Variants in ZNF704 observed in about 807,000 individuals in gnomAD.
The protein encoded by ZNF704 is glucocorticoid induced gene 1.
In ZNF704, 10 loss-of-function variants were observed where a neutral mutation model predicts 44.7. That is an observed-to-expected ratio of 0.22 (90% CI 0.14 to 0.38). The LOEUF is 0.38. Ranked by LOEUF, ZNF704 falls within the 10% of genes least tolerant of loss-of-function variation. The pLI is 1.00. For missense variants in ZNF704, 390 were observed against 545.5 expected, an observed-to-expected ratio of 0.71 and a Z score of 2.84; for synonymous variants, 211 against 207.6, an observed-to-expected ratio of 1.02 and a Z score of -0.14.
intron 3 of ZNF704, among the ~76,000 whole-genome samples, chr8:80,692,687 T>G (rs1268712152): frequency 6.6e-6 from 1 of 152,214 alleles, no homozygotes; most frequent in Admixed American, 6.5e-5. Context: ...AATAATTCAT[T>G]AGCTCAATCT....
chr8:80,755,707 A>G (rs751275385), intron 2 of ZNF704, among the ~76,000 whole-genome samples: 6 of 152,156 alleles, frequency 3.9e-5, no homozygotes, highest in Non-Finnish European at 7.4e-5. Flanking sequence ...GCTTCACATG[A>G]CTGGGCTTTA....
intron 7 of ZNF704, among the ~76,000 whole-genome samples, chr8:80,655,871 T>G (rs1035984085): frequency 3.3e-5 from 5 of 152,204 alleles, no homozygotes; most frequent in African/African-American, 4.8e-5. Flanking sequence ...CACTGCTATT[T>G]CAGCTTTGGA....
intron 2 of ZNF704, among the ~76,000 whole-genome samples, chr8:80,714,314 G>A (rs1419390445): frequency 6.6e-6 from 1 of 152,196 alleles, no homozygotes; most frequent in African/African-American, 2.4e-5. Context: ...ACAAATATTT[G>A]TTGAACGAAA....
intron 5 of ZNF704, among the ~76,000 whole-genome samples, chr8:80,666,058 C>T (rs1818187891): frequency 6.6e-6 from 1 of 151,874 alleles, no homozygotes; most frequent in African/African-American, 2.4e-5. Flanking sequence ...TGGTGCGCTG[C>T]ACCCACTAAC....
chr8:80,770,917 G>C (rs530366935), intron 2 of ZNF704, among the ~76,000 whole-genome samples: 29 of 152,140 alleles, frequency 1.9e-4, no homozygotes, highest in African/African-American at 7.0e-4. Flanking sequence ...TTTTGTTGTT[G>C]TTTGTTTGTT....
At chr8:80,759,889 G>C (rs1024583696) in intron 2 of ZNF704, among the ~76,000 whole-genome samples, 7 of 152,060 alleles carry the variant, frequency 4.6e-5, no homozygotes, top group Admixed American at 1.3e-4. Context: ...CCAAGTAGCT[G>C]ACCACAGATG....
chr8:80,848,088 T>C (rs1808795923), intron 1 of ZNF704, among the ~76,000 whole-genome samples: 1 of 152,202 alleles, frequency 6.6e-6, no homozygotes, highest in African/African-American at 2.4e-5. Context: ...GAGGTACTGA[T>C]AGCTGGATGA....
chr8:80,800,247 C>G (rs558762436), intron 2 of ZNF704, among the ~76,000 whole-genome samples: 1 of 152,286 alleles, frequency 6.6e-6, no homozygotes, highest in East Asian at 1.9e-4. Context: ...AAACATACTT[C>G]AGGATATCAT....
chr8:80,643,846 G>T (rs957737066), intron 7 of ZNF704, among the ~76,000 whole-genome samples: 2 of 152,148 alleles, frequency 1.3e-5, no homozygotes, highest in African/African-American at 4.8e-5. Context: ...ACCTAGAGAG[G>T]TTAAGAGATT....
intron 2 of ZNF704, among the ~76,000 whole-genome samples, chr8:80,753,637 G>A (rs771454962): frequency 6.6e-6 from 1 of 152,132 alleles, no homozygotes; most frequent in South Asian, 2.1e-4. Flanking sequence ...CAATTCTAAC[G>A]AGTAAAATGT....
intron 2 of ZNF704, among the ~76,000 whole-genome samples, chr8:80,723,683 T>C (rs1257883726): frequency 6.6e-6 from 1 of 152,224 alleles, no homozygotes; most frequent in African/African-American, 2.4e-5. Context: ...ATTACATCCT[T>C]TTCAACTATT....
At chr8:80,817,865 G>C (rs1348903125) in intron 2 of ZNF704, among the ~76,000 whole-genome samples, 1 of 152,140 alleles carries the variant, frequency 6.6e-6, no homozygotes, top group African/African-American at 2.4e-5. Flanking sequence ...AGTCCTAATG[G>C]GAAGGGAGCA....
chr8:80,857,602 A>C (rs1808984642), intron 1 of ZNF704, among the ~76,000 whole-genome samples: 1 of 152,204 alleles, frequency 6.6e-6, no homozygotes. Flanking sequence ...AATGTATCAT[A>C]CATTTTATAT....
chr8:80,707,041 T>C (rs1022703462), intron 2 of ZNF704, among the ~76,000 whole-genome samples: 2 of 152,364 alleles, frequency 1.3e-5, no homozygotes, highest in South Asian at 4.1e-4. Flanking sequence ...TGAGCATTCA[T>C]GACACGTATA....
chr8:80,660,816 G>A (rs1818090766), intron 6 of ZNF704, among the ~76,000 whole-genome samples: 1 of 152,132 alleles, frequency 6.6e-6, no homozygotes, highest in African/African-American at 2.4e-5. Context: ...TTAAATGTAA[G>A]ATCCTAAACT....
At chr8:80,789,788 T>C (rs561867169) in intron 2 of ZNF704, among the ~76,000 whole-genome samples, 51 of 152,148 alleles carry the variant, frequency 3.4e-4, no homozygotes, top group African/African-American at 1.0e-3. Context: ...AACACATGAT[T>C]CAACTTCAAC....
chr8:80,828,182 CA>C (rs1475025979), intron 1 of ZNF704, among the ~76,000 whole-genome samples: 1 of 152,160 alleles, frequency 6.6e-6, no homozygotes, highest in Non-Finnish European at 1.5e-5. Context: ...ATCTACTCAG[CA>C]GTTAAGATTT....
rs57274169 is a variant in ZNF704, at chr8:80,630,889, A to T, written c.*10477T>A. ...AATATTGATTCAGGGATTTTTTTTA[A>T]AAAAAACATGTATGATCCACATTCC... On this transcript the variant is annotated 3_prime_UTR_variant, in exon 9 of 9. Coordinates refer to ENST00000327835, the MANE Select transcript of ZNF704 (RefSeq NM_001033723.3). 1 of 152,044 alleles carries T rather than the reference A, an allele frequency of 6.6e-6. No homozygotes were observed. Among genetic ancestry groups the T allele is most frequent in the African/African-American group, 2.4e-5 (1 of 41,382 alleles). 9.4% of individuals were successfully genotyped at this position (152,044 alleles called of 1,614,324 possible).
chr8:80,870,247 A>G (rs1355283148), intron 1 of ZNF704, among the ~76,000 whole-genome samples: 1 of 152,214 alleles, frequency 6.6e-6, no homozygotes, highest in Non-Finnish European at 1.5e-5. Context: ...CCTCTTCCAC[A>G]TAATTCCCAT....
Sources: gnomAD v4.1 joint callset for allele counts (sites outside exome capture counted in the v4.1 genomes callset) on GRCh38, gnomAD v4.1.1 for gene constraint, MANE v1.5 for transcripts, NCBI Gene and HGNC (gene_info 2026-07-23, HGNC 2026-07-21) for gene names.